The following IGSF10 variants were observed in gnomAD, a reference collection of about 807,000 sequenced individuals.
IGSF10 encodes the protein calvaria mechanical force protein 608.
Under a neutral mutation model 128.2 loss-of-function variants are expected in IGSF10, and 126 were observed. The ratio of observed to expected loss-of-function variants is 0.98; its 90% CI spans 0.85 to 1.14. The LOEUF is 1.14. Ranked by LOEUF, IGSF10 falls within the 50% of genes most tolerant of loss-of-function variation. The pLI is 0.00. For missense variants in IGSF10, 3,295 were observed against 3,149.8 expected (o/e 1.05, Z -1.10); for synonymous variants, 1,185 against 1,146.2 (o/e 1.03, Z -0.68).
the IGSF10 span, among the ~76,000 whole-genome samples, chr3:151,618,648 T>A: frequency 6.6e-6 from 1 of 151,364 alleles, no homozygotes; most frequent in African/African-American, 2.4e-5. Flanking sequence ...GAGAATGGCG[T>A]GAACCCAGGA....
chr3:151,619,146 G>A, the IGSF10 span, among the ~76,000 whole-genome samples: 1 of 151,854 alleles, frequency 6.6e-6, no homozygotes. Context: ...ACATACAAAA[G>A]TATGGAGAAT....
At chr3:151,612,072 C>T in the IGSF10 span, among the ~76,000 whole-genome samples, 1 of 152,108 alleles carries the variant, frequency 6.6e-6, no homozygotes, top group African/African-American at 2.4e-5. Context: ...TTGGTCTTCC[C>T]CTTTCCCTGT....
chr3:151,496,087 C>T, the IGSF10 span, among the ~76,000 whole-genome samples: 1 of 152,122 alleles, frequency 6.6e-6, no homozygotes, highest in African/African-American at 2.4e-5. Context: ...TTCTAGAAGC[C>T]ACTTTTGCAT....
At chr3:151,513,078 A>G in the IGSF10 span, among the ~76,000 whole-genome samples, 1 of 152,196 alleles carries the variant, frequency 6.6e-6, no homozygotes, top group Non-Finnish European at 1.5e-5. Context: ...TATTCCAATC[A>G]ATAGAAAAAG....
chr3:151,553,973 C>CAAA, the IGSF10 span, among the ~76,000 whole-genome samples: 1,560 of 147,242 alleles, frequency 0.011, 26 homozygotes, highest in East Asian at 0.074. Flanking sequence ...ATAACAACAA[C>CAAA]AAAAAAAAAA....
chr3:151,476,678 TAC>T, the IGSF10 span, among the ~76,000 whole-genome samples: 1 of 152,174 alleles, frequency 6.6e-6, no homozygotes, highest in Non-Finnish European at 1.5e-5. Context: ...GGGAGAATCT[TAC>T]ACTCACCACA....
chr3:151,606,842 G>T, the IGSF10 span, among the ~76,000 whole-genome samples: 1 of 152,106 alleles, frequency 6.6e-6, no homozygotes, highest in Admixed American at 6.5e-5. Context: ...GTGATTTTTT[G>T]CTAGGTTGAA....
At chr3:151,500,307 A>G in the IGSF10 span, among the ~76,000 whole-genome samples, 7 of 111,776 alleles carry the variant, frequency 6.3e-5, no homozygotes, top group African/African-American at 2.4e-4. Flanking sequence ...CCCAGACACT[A>G]AACAATATCT....
At chr3:151,551,729 A>C in the IGSF10 span, among the ~76,000 whole-genome samples, 2 of 151,624 alleles carry the variant, frequency 1.3e-5, no homozygotes, top group Non-Finnish European at 1.5e-5. Context: ...TGAGGTTTCA[A>C]TTTTTCATTA....
At chr3:151,558,027 A>ATTATATATATATACTATATATATATAT in the IGSF10 span, among the ~76,000 whole-genome samples, 1 of 52,932 alleles carries the variant, frequency 1.9e-5, no homozygotes, top group Non-Finnish European at 3.4e-5. Flanking sequence ...TAATATATAT[A>ATTATATATATATACTATATATATATAT]TTGGTACAAT....
the IGSF10 span, among the ~76,000 whole-genome samples, chr3:151,581,647 C>G: frequency 7.9e-5 from 12 of 152,284 alleles, no homozygotes; most frequent in Middle Eastern, 3.4e-3. Context: ...TTGTTGAAGA[C>G]CAGATCCCTG....
chr3:151,612,393 C>CCAGTA, the IGSF10 span, among the ~76,000 whole-genome samples: 1 of 152,186 alleles, frequency 6.6e-6, no homozygotes, highest in East Asian at 1.9e-4. Context: ...TACCACAGAA[C>CCAGTA]CAGTAATTTC....
the IGSF10 span, among the ~76,000 whole-genome samples, chr3:151,496,103 C>T: frequency 5.3e-5 from 8 of 151,934 alleles, no homozygotes; most frequent in Admixed American, 2.6e-4. Context: ...TGCATCTGAA[C>T]GGGAGGATAC....
At chr3:151,617,213 C>G in the IGSF10 span, among the ~76,000 whole-genome samples, 1 of 124,926 alleles carries the variant, frequency 8.0e-6, no homozygotes, top group Non-Finnish European at 1.6e-5. Context: ...CCTCCTCCTC[C>G]TCTTCTTCCC....
rs1015842070 is a variant in IGSF10 at position 151,448,760 on chromosome 3, C to T, written c.1221G>A (p.Val407=). 1.9e-6 allele frequency: 3 copies of T among 1,613,672 alleles called. No homozygotes were observed. Among genetic ancestry groups the T allele is most frequent in the Non-Finnish European group, 2.5e-6 (3 of 1,179,600 alleles). The change falls in exon 6 of 8, where the codon GTG becomes GTA. Residue 407 remains valine (V), a synonymous_variant. Transcript: ENST00000282466. ...TPQLYYKYKQ[V]APKPEDIFTN... ...TAAAAATGTCTTCAGGCTTAGGAGCCACCTGTTTATATTTGTAATAGAGCT... is the reference window on the plus strand; with the variant it reads ...TAAAAATGTCTTCAGGCTTAGGAGCTACCTGTTTATATTTGTAATAGAGCT...
chr3:151,534,107 A>G, the IGSF10 span, among the ~76,000 whole-genome samples: 2 of 151,638 alleles, frequency 1.3e-5, no homozygotes, highest in Non-Finnish European at 2.9e-5. Context: ...CCACAATGAG[A>G]TAACATCTCA....
At chr3:151,538,618 T>C in the IGSF10 span, among the ~76,000 whole-genome samples, 1 of 152,140 alleles carries the variant, frequency 6.6e-6, no homozygotes, top group Admixed American at 6.5e-5. Flanking sequence ...TTTGATGCTG[T>C]TTTTCCATTA....
the IGSF10 span, among the ~76,000 whole-genome samples, chr3:151,470,588 A>G: frequency 2.0e-5 from 3 of 152,142 alleles, no homozygotes; most frequent in South Asian, 2.1e-4. Flanking sequence ...CATCTTTAGG[A>G]CTTCCAAATT....
chr3:151,606,529 G>A, the IGSF10 span, among the ~76,000 whole-genome samples: 1 of 152,162 alleles, frequency 6.6e-6, no homozygotes, highest in Non-Finnish European at 1.5e-5. Flanking sequence ...TTTGGGAGGA[G>A]AATGAGTGGA....
Sources: gnomAD v4.1 joint callset for allele counts (sites outside exome capture counted in the v4.1 genomes callset) on GRCh38, gnomAD v4.1.1 for gene constraint, MANE v1.5 for transcripts, NCBI Gene and HGNC (gene_info 2026-07-23, HGNC 2026-07-21) for gene names.